The following PIKFYVE variants were observed in gnomAD, a reference collection of about 807,000 sequenced individuals.
PIKFYVE encodes the protein 1-phosphatidylinositol 3-phosphate 5-kinase.
Under a neutral mutation model 257.9 loss-of-function variants are expected in PIKFYVE, and 122 were observed. The ratio of observed to expected loss-of-function variants is 0.47; its 90% CI spans 0.41 to 0.55. The LOEUF (loss-of-function observed/expected upper bound fraction) is 0.55, where lower values mean the gene tolerates loss of function less well. PIKFYVE is among the 20% of genes least tolerant of loss of function. The pLI is 0.00. For missense variants in PIKFYVE, 2,160 were observed against 2,536.6 expected, an observed-to-expected ratio of 0.85 and a Z score of 3.19; for synonymous variants, 892 against 868.9, an observed-to-expected ratio of 1.03 and a Z score of -0.47.
chr2:208,267,415 C>G (rs1013790390), intron 1 of PIKFYVE, among the ~76,000 whole-genome samples: 1 of 151,310 alleles, frequency 6.6e-6, no homozygotes, highest in Non-Finnish European at 1.5e-5. Context: ...TTCCTTTAAG[C>G]GTGTTGGTCA....
At chr2:208,304,814 C>T (rs759352738) in intron 11 of PIKFYVE, 32 bp from the exon 12 acceptor site, 9 of 1,599,340 alleles carry the variant, frequency 5.6e-6, no homozygotes, top group South Asian at 1.1e-5. Context: ...CCTCCTCTCC[C>T]TATATTTCTT....
chr2:208,348,947 G>A (rs1381461469), intron 35 of PIKFYVE, among the ~76,000 whole-genome samples: 2 of 152,108 alleles, frequency 1.3e-5, no homozygotes, highest in South Asian at 2.1e-4. Context: ...CGGATCACTT[G>A]AGACTAGGAG....
Position 208,328,279 on chromosome 2 carries a change from T to C in PIKFYVE, c.3718T>C (p.Trp1240Arg). 6.2e-7 allele frequency: 1 copy of C among 1,613,694 alleles called. No individual in the cohort carries two copies. The highest frequency in any genetic ancestry group is 8.5e-7 in the Non-Finnish European group (1 of 1,179,786). ...TGCTCCTAGTGCCTGTGTCAGTCCT[T>C]GGTAGGATTCTTTTCCCCCTACACT... is the stretch of plus-strand genomic sequence containing the variant. The part of the protein sequence containing the change: ...SNAPSACVSP[W>R]IVTMEFYGKN... Residue 1240 changes from tryptophan (W) to arginine (R), a missense_variant and splice_region_variant, in exon 21 of 42, where the codon TGG becomes CGG. Around this residue, in one of 12 missense-constraint regions of PIKFYVE, gnomAD observed 522 missense variants for 514.6 expected, o/e 1.01. Transcript: ENST00000264380.
intron 6 of PIKFYVE, among the ~76,000 whole-genome samples, chr2:208,287,632 G>A (rs530390626): frequency 7.9e-5 from 12 of 151,616 alleles, no homozygotes; most frequent in Non-Finnish European, 7.4e-5. Context: ...ATGGAGTCTC[G>A]CTCTGTCACC....
chr2:208,341,559 A>G (rs527880794), intron 31 of PIKFYVE, among the ~76,000 whole-genome samples: 1 of 152,184 alleles, frequency 6.6e-6, no homozygotes, highest in East Asian at 1.9e-4. Flanking sequence ...TTTAATTCTT[A>G]CAGTCCTGGA....
intron 23 of PIKFYVE, among the ~76,000 whole-genome samples, chr2:208,331,973 A>G (rs1418213949): frequency 6.6e-6 from 1 of 152,202 alleles, no homozygotes; most frequent in African/African-American, 2.4e-5. Flanking sequence ...TATGACTTAC[A>G]TGCTTTGCTA....
chr2:208,325,295 T>G lies in PIKFYVE; in HGVS notation c.2484T>G (p.Phe828Leu). The G allele has an allele frequency of 6.2e-7, 1 of 1,614,082 alleles. No individual in the cohort carries two copies. The highest frequency in any genetic ancestry group is 8.5e-7 in the Non-Finnish European group (1 of 1,179,986). ...AACAAACCAAGACACTGATGTTTTT[T>G]GAAGGTTGTCCACAGCACCTAGGCT... ...PNEQTKTLMF[F>L]EGCPQHLGCT... is the part of the protein sequence containing the mutation. The change falls in exon 20 of 42, where the codon TTT becomes TTG. Residue 828 changes from phenylalanine to leucine, a missense_variant. This residue lies in a region of PIKFYVE where 522 missense variants were observed against 514.6 expected (regional missense o/e 1.01). Transcript: ENST00000264380.
intron 7 of PIKFYVE, among the ~76,000 whole-genome samples, chr2:208,295,134 T>C (rs976935648): frequency 2.0e-5 from 3 of 152,256 alleles, no homozygotes; most frequent in African/African-American, 4.8e-5. Flanking sequence ...CTGTCTGCAG[T>C]ATTTGGAGCA....
At chr2:208,340,178 C>T (rs1698563335) in intron 31 of PIKFYVE, 47 bp downstream of exon 31, 6 of 1,600,870 alleles carry the variant, frequency 3.7e-6, no homozygotes, top group Middle Eastern at 1.7e-4. Flanking sequence ...GGTTATTTTT[C>T]CTTAGTTGCT....
At chr2:208,294,949 TC>T (rs1471846984) in intron 7 of PIKFYVE, among the ~76,000 whole-genome samples, 3 of 152,246 alleles carry the variant, frequency 2.0e-5, no homozygotes, top group African/African-American at 7.2e-5. Context: ...GAAGTGAAAC[TC>T]CCAAAAGCAT....
intron 18 of PIKFYVE, 122 bp from the exon 19 acceptor site, chr2:208,324,789 A>T: frequency 8.1e-7 from 1 of 1,237,942 alleles, no homozygotes; most frequent in South Asian, 1.3e-5. Context: ...TTCATCATAT[A>T]TTTATTAAAA....
chr2:208,354,718 ATTCT>A (rs1321695018), intron 41 of PIKFYVE, 73 bp downstream of exon 41: 1 of 1,201,228 alleles, frequency 8.3e-7, no homozygotes, highest in South Asian at 1.2e-5. Flanking sequence ...GTGGATACTG[ATTCT>A]TTTTTTTAGT....
intron 17 of PIKFYVE, among the ~76,000 whole-genome samples, chr2:208,323,389 C>T (rs1364497007): frequency 6.7e-6 from 1 of 148,552 alleles, no homozygotes; most frequent in Non-Finnish European, 1.5e-5. Flanking sequence ...CGATAGTTTA[C>T]TGAGAATGAT....
At chr2:208,330,026 TCATAGTGC>T (rs1296488562) in intron 22 of PIKFYVE, 113 bp downstream of exon 22, 1 of 1,375,662 alleles carries the variant, frequency 7.3e-7, no homozygotes, top group Admixed American at 2.0e-5. Context: ...ATCCTCACTT[TCATAGTGC>T]ATATCAGAGT....
rs1328278662 is a variant in PIKFYVE, at chr2:208,333,376, A to G, written c.4025A>G (p.Glu1342Gly). 6.2e-7 allele frequency: 1 copy of G among 1,614,140 alleles called. No individual in the cohort carries two copies. The change falls in exon 24 of 42, where the codon GAA (glutamate) becomes GGA (glycine). Residue 1342 changes from glutamate (E) to glycine (G), a missense_variant. Around this residue, in one of 12 missense-constraint regions of PIKFYVE, gnomAD observed 699 missense variants for 855.8 expected, o/e 0.82. Coordinates refer to ENST00000264380, the MANE Select transcript of PIKFYVE (RefSeq NM_015040.4). ...SWSMSFAKYL[E>G]LRFYGHQYTR... ...TCTATGTCATTTGCAAAATACCTTG[A>G]ACTTAGGTTTTATGGGCACCAGTAT...
At chr2:208,335,928 CAA>C (rs778077021) in intron 26 of PIKFYVE, 27 bp downstream of exon 26, 2 of 1,590,322 alleles carry the variant, frequency 1.3e-6, no homozygotes, top group South Asian at 1.1e-5. Context: ...GTAGAAAATT[CAA>C]AAGTTAATTA....
intron 4 of PIKFYVE, 33 bp downstream of exon 4, chr2:208,276,863 T>C: frequency 6.5e-7 from 1 of 1,546,354 alleles, no homozygotes. Flanking sequence ...GATTACTTAT[T>C]AAGCGCTTAT....
At position 208,354,289 on chromosome 2, in the gene PIKFYVE, TAA is replaced by T. The variant is rs1700021985; in HGVS notation, c.6106+131_6106+132del. On this transcript the variant is annotated intron_variant, in intron 40 of 41. Transcript: ENST00000264380. ...AAACTTTCATTTGAAATTTCAAAAA[TAA>T]GTTTTTTATTCTAGTCTCTTCTACT... is the stretch of plus-strand genomic sequence containing the variant. 5 of 1,247,114 alleles carry T rather than the reference TAA, an allele frequency of 4.0e-6. No individual in the cohort carries two copies. In the Admixed American group the frequency reaches 1.2e-4, roughly 29 times the overall value. The allele number at this position is 1,247,114 out of a possible 1,614,324, so 77.3% of individuals were successfully genotyped here.
chr2:208,335,543 G>T, intron 25 of PIKFYVE, 124 bp downstream of exon 25: 2 of 876,724 alleles, frequency 2.3e-6, no homozygotes, highest in South Asian at 1.6e-5. Flanking sequence ...CATGCTTGGT[G>T]TACAAAAAGA....
Sources: allele counts gnomAD v4.1 joint callset (sites outside exome capture counted in the v4.1 genomes callset), GRCh38; gene constraint gnomAD v4.1.1; regional missense constraint gnomAD v4.1.1; transcripts MANE v1.5; gene names NCBI Gene and HGNC (gene_info 2026-07-23, HGNC 2026-07-21).